PDLIM2: variants seen among roughly 807,000 people sequenced by gnomAD.
PDLIM2 encodes the protein PDZ and LIM domain 2, also known as PDZ and LIM domain protein 2.
A neutral mutation model predicts 54.1 loss-of-function variants in PDLIM2; 51 were observed. That is an observed-to-expected ratio of 0.94 (90% CI 0.75 to 1.19). The LOEUF (loss-of-function observed/expected upper bound fraction) is 1.19, where lower values mean the gene tolerates loss of function less well. PDLIM2 is among the 50% of genes most tolerant of loss of function. The pLI is 0.00. For missense variants in PDLIM2, 912 were observed against 874.0 expected (o/e 1.04, Z -0.55); for synonymous variants, 398 against 385.6 (o/e 1.03, Z -0.38).
At chr8:22,596,848 T>A (rs1284355905), downstream of PDLIM2, 1 of 152,242 alleles carries the variant, frequency 6.6e-6, no homozygotes, top group Non-Finnish European at 1.5e-5. Context: ...CCATCCTCTC[T>A]GCAGACGAGG....
chr8:22,589,795 C>G (rs1227003714), intron 8 of PDLIM2, 54 bp downstream of exon 7: 1 of 1,546,482 alleles, frequency 6.5e-7, no homozygotes, highest in Non-Finnish European at 8.7e-7. Context: ...GTACCCCGGG[C>G]CCTGACTGGA....
intron 1 of PDLIM2, 92 bp from the exon 1 acceptor site, chr8:22,580,383 G>A: frequency 8.4e-7 from 1 of 1,188,542 alleles, no homozygotes; most frequent in Non-Finnish European, 1.1e-6. Flanking sequence ...GACTAAGGAA[G>A]GGAGAACCCA....
intron 8 of PDLIM2, chr8:22,590,642 A>T (rs934842135): frequency 3.3e-5 from 5 of 152,392 alleles, no homozygotes; most frequent in African/African-American, 1.2e-4. Flanking sequence ...ATGACTTTGA[A>T]TTTTAAAATG....
chr8:22,593,922 C>T (rs893490075), exon 10 of PDLIM2: 12 of 1,546,360 alleles, frequency 7.8e-6, no homozygotes, highest in Non-Finnish European at 1.0e-5. Context: ...CCCGCCATGC[C>T]CTCAGCCTGC....
chr8:22,583,241 G>T (rs1291897987), intron 3 of PDLIM2, among the ~76,000 whole-genome samples: 1 of 152,088 alleles, frequency 6.6e-6, no homozygotes, highest in Non-Finnish European at 1.5e-5. Flanking sequence ...CGCTGGTGGG[G>T]AGCTGGGCCT....
At chr8:22,591,356 G>A (rs1800541236) in intron 8 of PDLIM2, 195 bp from the exon 8 acceptor site, 2 of 612,388 alleles carry the variant, frequency 3.3e-6, no homozygotes, top group South Asian at 3.8e-5. Flanking sequence ...CCTTGTACCT[G>A]CCTCCTTCAT....
At chr8:22,579,373 G>C (rs1800124620) in exon 1 of PDLIM2, 1 of 1,490,512 alleles carries the variant, frequency 6.7e-7, no homozygotes, top group South Asian at 1.3e-5. Context: ...CGCGAGCTGC[G>C]CTCTCCCCGG....
intron 3 of PDLIM2, among the ~76,000 whole-genome samples, chr8:22,583,731 C>T (rs951292146): frequency 4.0e-5 from 6 of 151,686 alleles, no homozygotes; most frequent in Admixed American, 2.0e-4. Flanking sequence ...TGCACCACTG[C>T]GCTCCAGCCT....
At chr8:22,584,310 G>A (rs957836784) in intron 3 of PDLIM2, among the ~76,000 whole-genome samples, 10 of 151,766 alleles carry the variant, frequency 6.6e-5, no homozygotes, top group Admixed American at 2.0e-4. Flanking sequence ...CACCGTGCCC[G>A]GCCTTGGTGT....
chr8:22,584,913 C>T (rs1379965195), intron 4 of PDLIM2, 23 bp downstream of exon 3: 1 of 1,614,066 alleles, frequency 6.2e-7, no homozygotes, highest in South Asian at 1.1e-5. Flanking sequence ...CCTCCCCTGA[C>T]AGCCTCAGCA....
chr8:22,588,989 CTG>C, intron 6 of PDLIM2: 1 of 528,574 alleles, frequency 1.9e-6, no homozygotes, highest in East Asian at 3.6e-5. Context: ...ACAGAGGACT[CTG>C]TGCTTAGCTG....
intron 1 of PDLIM2, chr8:22,580,587 G>C: frequency 6.2e-7 from 1 of 1,613,920 alleles, no homozygotes; most frequent in Non-Finnish European, 8.5e-7. Context: ...TCACCTCCTG[G>C]TCCTCTCTTC....
chr8:22,585,098 G>GGCA (rs779405640), exon 5 of PDLIM2: 1 of 1,613,908 alleles, frequency 6.2e-7, no homozygotes, highest in Non-Finnish European at 8.5e-7. Flanking sequence ...CCCGAGGGCC[G>GGCA]GCAGCCCCTT....
chr8:22,580,528 C>T (rs1448794785), intron 1 of PDLIM2: 5 of 1,609,222 alleles, frequency 3.1e-6, no homozygotes, highest in African/African-American at 2.7e-5. Context: ...CCTTTGGCTC[C>T]TCTCCTGCTG....
intron 7 of PDLIM2, 84 bp from the exon 7 acceptor site, chr8:22,589,512 C>G (rs771918597): frequency 6.7e-7 from 1 of 1,498,562 alleles, no homozygotes; most frequent in Non-Finnish European, 9.1e-7. Flanking sequence ...CCCCCTCCCC[C>G]ACGCTCTTCT....
intron 6 of PDLIM2, among the ~76,000 whole-genome samples, chr8:22,586,511 G>C (rs1469741967): frequency 1.3e-5 from 2 of 152,164 alleles, no homozygotes; most frequent in Non-Finnish European, 2.9e-5. Flanking sequence ...GGTGGTGAGA[G>C]GGTTTAGGGA....
chr8:22,589,012 C>G (rs574003600), intron 6 of PDLIM2: 2 of 557,328 alleles, frequency 3.6e-6, no homozygotes, highest in African/African-American at 3.9e-5. Context: ...TCACCTGCTG[C>G]CTTCCTGCTG....
intron 8 of PDLIM2, chr8:22,590,105 A>G (rs1800499306): frequency 3.9e-6 from 1 of 258,858 alleles, no homozygotes; most frequent in African/African-American, 2.3e-5. Context: ...ATCAAGACTT[A>G]AACAGCATTA....
intron 6 of PDLIM2, 158 bp from the exon 6 acceptor site, chr8:22,589,140 C>T: frequency 1.7e-6 from 1 of 592,038 alleles, no homozygotes; most frequent in Non-Finnish European, 2.9e-6. Flanking sequence ...TGGGAGCCCC[C>T]GACACCTTGG....
Sources: allele counts gnomAD v4.1 joint callset (sites outside exome capture counted in the v4.1 genomes callset), GRCh38; gene constraint gnomAD v4.1.1; transcripts MANE v1.5; gene names NCBI Gene and HGNC (gene_info 2026-07-23, HGNC 2026-07-21).